The following GRID2 variants were observed in gnomAD, a reference collection of about 807,000 sequenced individuals.
GRID2 encodes glutamate receptor ionotropic, delta-2.
Under a neutral mutation model 114.8 loss-of-function variants are expected in GRID2, and 33 were observed. The ratio of observed to expected loss-of-function variants is 0.29; its 90% CI spans 0.22 to 0.38. GRID2 has a LOEUF of 0.38. Ranked by LOEUF, GRID2 falls within the 10% of genes least tolerant of loss-of-function variation. The probability of loss-of-function intolerance (pLI) is 1.00; values close to 1 mark genes in which losing one functional copy is unlikely to be tolerated. For synonymous variants in GRID2, 505 were observed against 449.9 expected (o/e 1.12, Z -1.55); for missense variants, 1,184 against 1,257.7 (o/e 0.94, Z 0.89).
chr4:92,823,767 GTTTA>G (rs1741467028), intron 2 of GRID2, among the ~76,000 whole-genome samples: 1 of 152,058 alleles, frequency 6.6e-6, no homozygotes, highest in Non-Finnish European at 1.5e-5. Context: ...AAGCCCTTTT[GTTTA>G]TTTATCTTAC....
intron 4 of GRID2, among the ~76,000 whole-genome samples, chr4:93,176,373 C>G (rs1350344068): frequency 6.6e-6 from 1 of 152,124 alleles, no homozygotes. Context: ...GAATTGTCTT[C>G]CTTTCATTCT....
rs1424493280 is a variant in GRID2, at chr4:92,507,078, A to C, written c.89-83053A>C. ...TGAAAAAAAGCAGTCTACTTTCACT[A>C]TCTCTATTCTTCACTGTCAATTCAT... On this transcript the variant is annotated intron_variant, in intron 1 of 15. Coordinates refer to ENST00000282020, the MANE Select transcript of GRID2 (RefSeq NM_001510.4). 3.3e-5 allele frequency among the ~76,000 whole-genome samples: 5 copies of C among 151,888 alleles called. No homozygotes were observed. In the East Asian group the frequency reaches 9.7e-4, roughly 30 times the overall value.
intron 8 of GRID2, among the ~76,000 whole-genome samples, chr4:93,248,086 TAC>T (rs10548106): frequency 0.68 from 102,353 of 150,778 alleles, 35,032 homozygotes; most frequent in Middle Eastern, 0.85. Context: ...ATCTAACAGA[TAC>T]ACACACACAC....
At chr4:93,216,239 A>G (rs1744193930) in intron 5 of GRID2, among the ~76,000 whole-genome samples, 1 of 151,866 alleles carries the variant, frequency 6.6e-6, no homozygotes, top group African/African-American at 2.4e-5. Flanking sequence ...GTTAAAAGCC[A>G]AATTTTTCAT....
chr4:92,439,051 G>C lies in GRID2; in HGVS notation c.88+134307G>C, dbSNP rs191919767. On this transcript the variant is annotated intron_variant, in intron 1 of 15. Transcript: ENST00000282020. Reference sequence around the variant, plus strand: ...GGCAGGTGGGCTGAGTCCGAAAAGAGAGTCAGCGAAGGGAGATAAGGGTGG... The same window carrying C: ...GGCAGGTGGGCTGAGTCCGAAAAGACAGTCAGCGAAGGGAGATAAGGGTGG... Among the ~76,000 whole-genome samples, 9 of 152,210 alleles carry C rather than the reference G, an allele frequency of 5.9e-5. No individual in the cohort carries two copies. In the East Asian group the frequency reaches 1.7e-3, roughly 29 times the overall value.
At chr4:92,473,382 A>G (rs1722137653) in intron 1 of GRID2, among the ~76,000 whole-genome samples, 1 of 151,802 alleles carries the variant, frequency 6.6e-6, no homozygotes, top group African/African-American at 2.4e-5. Flanking sequence ...GGAAAGTTTT[A>G]TTTTTTCACT....
At position 93,670,628 on chromosome 4, in the gene GRID2, G is replaced by A. The variant is rs78727220; in HGVS notation, c.2360+44193G>A. On this transcript the variant is annotated intron_variant, in intron 14 of 15. Coordinates refer to ENST00000282020, the MANE Select transcript of GRID2 (RefSeq NM_001510.4). ...CACACAGTGTTTAGAGGGGTCCTACGGTGCATCAGTGTCTGCCCCTAGAGG... is the reference window on the plus strand; with the variant it reads ...CACACAGTGTTTAGAGGGGTCCTACAGTGCATCAGTGTCTGCCCCTAGAGG... 4.6e-3 allele frequency among the ~76,000 whole-genome samples: 700 copies of A among 152,256 alleles called. 6 individuals carry two copies. Among genetic ancestry groups the A allele is most frequent in the African/African-American group, 0.015 (612 of 41,546 alleles).
intron 2 of GRID2, chr4:92,885,140 T>C (rs1046452681): frequency 6.9e-6 from 2 of 290,462 alleles, no homozygotes; most frequent in Non-Finnish European, 1.3e-5. Context: ...GTTTTGCCTC[T>C]TGTGTAATCA....
At chr4:93,252,739 TC>T (rs1370494839) in intron 8 of GRID2, among the ~76,000 whole-genome samples, 1 of 152,150 alleles carries the variant, frequency 6.6e-6, no homozygotes, top group African/African-American at 2.4e-5. Flanking sequence ...ATCTCTGATT[TC>T]CTTGAGCAGC....
chr4:92,678,692 G>A (rs1163075902), intron 2 of GRID2, among the ~76,000 whole-genome samples: 7 of 151,674 alleles, frequency 4.6e-5, no homozygotes, highest in African/African-American at 1.5e-4. Flanking sequence ...GATAATGTAT[G>A]CTTTGATGAC....
chr4:93,728,122 T>C (rs1297149700), intron 14 of GRID2, among the ~76,000 whole-genome samples: 4 of 152,144 alleles, frequency 2.6e-5, no homozygotes, highest in African/African-American at 7.2e-5. Context: ...TGTGGGCATT[T>C]AGTGCTATAA....
intron 2 of GRID2, among the ~76,000 whole-genome samples, chr4:92,854,966 AG>A (rs1265335671): frequency 1.3e-5 from 2 of 152,070 alleles, no homozygotes; most frequent in African/African-American, 4.8e-5. Flanking sequence ...TCTGGTTTAA[AG>A]GATAAAAATT....
chr4:92,369,090 GC>G (rs1333533727), intron 1 of GRID2, among the ~76,000 whole-genome samples: 1 of 151,892 alleles, frequency 6.6e-6, no homozygotes, highest in Non-Finnish European at 1.5e-5. Flanking sequence ...GTAAAAACCA[GC>G]TTTTGCTCAT....
chr4:93,709,009 T>C (rs1053186546), intron 14 of GRID2, among the ~76,000 whole-genome samples: 1 of 152,128 alleles, frequency 6.6e-6, no homozygotes, highest in Non-Finnish European at 1.5e-5. Flanking sequence ...TCCCTTCTTT[T>C]AAGCTTTCAG....
chr4:92,483,315 G>A (rs1250689334), intron 1 of GRID2, among the ~76,000 whole-genome samples: 2 of 152,040 alleles, frequency 1.3e-5, no homozygotes, highest in Admixed American at 1.3e-4. Flanking sequence ...TCCAGCCTGG[G>A]TGACAGAGTG....
chr4:92,976,847 A>G (rs978029930), intron 2 of GRID2, among the ~76,000 whole-genome samples: 2 of 152,170 alleles, frequency 1.3e-5, no homozygotes, highest in African/African-American at 4.8e-5. Context: ...TCTCAGTATT[A>G]GCTTTTTCAT....
intron 1 of GRID2, among the ~76,000 whole-genome samples, chr4:92,523,933 G>A (rs1013473235): frequency 1.3e-5 from 2 of 152,010 alleles, no homozygotes; most frequent in Non-Finnish European, 2.9e-5. Context: ...ATTACTGGGA[G>A]GAAGGAATAT....
At chr4:92,381,184 A>G (rs1257677783) in intron 1 of GRID2, among the ~76,000 whole-genome samples, 3 of 152,102 alleles carry the variant, frequency 2.0e-5, no homozygotes, top group East Asian at 1.9e-4. Context: ...CCCCATGTGT[A>G]GATGAGAAAA....
intron 4 of GRID2, among the ~76,000 whole-genome samples, chr4:93,151,363 C>T (rs1736725613): frequency 6.6e-6 from 1 of 151,966 alleles, no homozygotes; most frequent in Non-Finnish European, 1.5e-5. Flanking sequence ...CATCCTTTTC[C>T]ATCCCCTTAA....
Sources: gnomAD v4.1 joint callset for allele counts (sites outside exome capture counted in the v4.1 genomes callset) on GRCh38, gnomAD v4.1.1 for gene constraint, MANE v1.5 for transcripts, NCBI Gene and HGNC (gene_info 2026-07-23, HGNC 2026-07-21) for gene names.